The following NRBP2 variants were observed in gnomAD, a reference collection of about 807,000 sequenced individuals.
NRBP2 encodes the protein nuclear receptor binding protein 2.
Under a neutral mutation model 74.4 loss-of-function variants are expected in NRBP2, and 47 were observed. That is an observed-to-expected ratio of 0.63 (90% confidence interval 0.50 to 0.81). The LOEUF is 0.81. Ranked by LOEUF, NRBP2 falls within the 30% of genes least tolerant of loss-of-function variation. NRBP2 has a pLI of 0.00. For synonymous variants in NRBP2, 312 were observed against 273.8 expected (o/e 1.14, Z -1.38); for missense variants, 613 against 690.1 (o/e 0.89, Z 1.25).
Position 143,835,936 on chromosome 8 carries a change from G to A in NRBP2, c.1381+31C>T, listed in dbSNP as rs533144590. Reference sequence around the variant, plus strand: ...TGCCCACCCGCCGCCTGGGGTCACCGCCCGCCGCCCAAGTCCCCTGCCCAG... The same window carrying A: ...TGCCCACCCGCCGCCTGGGGTCACCACCCGCCGCCCAAGTCCCCTGCCCAG... On this transcript the variant is annotated intron_variant, in intron 16 of 17. Coordinates refer to ENST00000442628, the MANE Select transcript of NRBP2 (RefSeq NM_178564.4). The surrounding 1 kb of genome is among the most constrained non-coding windows in gnomAD (Gnocchi z 4.9). 3.5e-5 allele frequency: 56 copies of A among 1,589,184 alleles called. No homozygotes were observed. Among genetic ancestry groups the A allele is most frequent in the Admixed American group, 1.0e-4 (6 of 57,584 alleles).
chr8:143,839,839 G>C lies in NRBP2; in HGVS notation c.355-14C>G. The stretch of plus-strand genomic sequence containing the variant: ...GATGAAGATGACCTGCACGGTGCGA[G>C]CTCAGGATTTCCACCAGCTGCGGGT... On this transcript the variant is annotated splice_polypyrimidine_tract_variant and intron_variant, in intron 3 of 17. Coordinates refer to ENST00000442628, the MANE Select transcript of NRBP2 (RefSeq NM_178564.4). This position sits in a 1 kb window ranked among gnomAD's most constrained non-coding sequence, Gnocchi z 5.1. 6.5e-7 allele frequency: 1 copy of C among 1,535,982 alleles called. No individual in the cohort carries two copies. Among genetic ancestry groups the C allele is most frequent in the Non-Finnish European group, 8.7e-7 (1 of 1,146,758 alleles).
rs1379106883 is a variant in NRBP2 at position 143,839,630 on chromosome 8, G to A, written c.445-81C>T. ...CCTGCGGAGCCCGCCCCGCATCCTCGCCCAGCCCCTGTCCGAGGCCGCCGG... is the reference window on the plus strand; with the variant it reads ...CCTGCGGAGCCCGCCCCGCATCCTCACCCAGCCCCTGTCCGAGGCCGCCGG... On this transcript the variant is annotated intron_variant, in intron 4 of 17. Transcript: ENST00000442628. The surrounding 1 kb of genome is among the most constrained non-coding windows in gnomAD (Gnocchi z 5.1). 8.6e-6 allele frequency: 13 copies of A among 1,508,328 alleles called. 2 individuals are homozygous for A. Among genetic ancestry groups the A allele is most frequent in the Admixed American group, 6.2e-5 (3 of 48,584 alleles). 93.4% of individuals were successfully genotyped at this position (1,508,328 alleles called of 1,614,324 possible).
chr8:143,839,646 A>G lies in NRBP2; in HGVS notation c.444+90T>C. 6.6e-7 allele frequency: 1 copy of G among 1,514,264 alleles called. No individual in the cohort carries two copies. The highest frequency in any genetic ancestry group is 2.5e-5 in the East Asian group (1 of 40,578). The allele number at this position is 1,514,264 out of a possible 1,614,324, so 93.8% of individuals were successfully genotyped here. On this transcript the variant is annotated intron_variant, in intron 4 of 17. Transcript: ENST00000442628. This position sits in a 1 kb window ranked among gnomAD's most constrained non-coding sequence, Gnocchi z 5.1. ...CGCATCCTCGCCCAGCCCCTGTCCG[A>G]GGCCGCCGGGCACCCCCTCACCATC...
chr8:143,840,440 A>G lies in NRBP2; in HGVS notation c.130-211T>C, dbSNP rs1005421150. 1.4e-6 allele frequency: 1 copy of G among 708,254 alleles called. No homozygotes were observed. The allele number at this position is 708,254 out of a possible 1,614,324, so 43.9% of individuals were successfully genotyped here. ...GCTAAGGGGATTTGGAGCAGGTTTC[A>G]GGGGGTCGAGGGGGATCCCCAGGAA... On this transcript the variant is annotated intron_variant, in intron 1 of 17. Coordinates refer to ENST00000442628, the MANE Select transcript of NRBP2 (RefSeq NM_178564.4). The surrounding 1 kb of genome is among the most constrained non-coding windows in gnomAD (Gnocchi z 5.7).
downstream of NRBP2, among the ~76,000 whole-genome samples, chr8:143,831,954 G>A (rs1351082457): frequency 1.3e-5 from 2 of 152,204 alleles, no homozygotes; most frequent in Non-Finnish European, 2.9e-5. Flanking sequence ...GTAGCTAGTC[G>A]CACTGTTAAG....
At chr8:143,838,802 G>C in intron 9 of NRBP2, 27 bp from the exon 10 acceptor site, 1 of 1,611,380 alleles carries the variant, frequency 6.2e-7, no homozygotes, top group South Asian at 1.1e-5. Context: ...GGTCAGGCAT[G>C]GGGAAGGGAC....
rs1002480055 is a variant in NRBP2, at chr8:143,839,635, G to C, written c.445-86C>G. 4 of 1,511,190 alleles carry C rather than the reference G, an allele frequency of 2.6e-6. No homozygotes were observed. Among genetic ancestry groups the C allele is most frequent in the Non-Finnish European group, 2.6e-6 (3 of 1,133,958 alleles). The allele number at this position is 1,511,190 out of a possible 1,614,324, so 93.6% of individuals were successfully genotyped here. ...GGAGCCCGCCCCGCATCCTCGCCCA[G>C]CCCCTGTCCGAGGCCGCCGGGCACC... On this transcript the variant is annotated intron_variant, in intron 4 of 17. Coordinates refer to ENST00000442628, the MANE Select transcript of NRBP2 (RefSeq NM_178564.4). This position sits in a 1 kb window ranked among gnomAD's most constrained non-coding sequence, Gnocchi z 5.1.
At position 143,840,652 on chromosome 8, in the gene NRBP2, C is replaced by G; in HGVS notation, c.129+54G>C. 7.1e-7 allele frequency: 1 copy of G among 1,403,958 alleles called. No homozygotes were observed. The highest frequency in any genetic ancestry group is 9.4e-7 in the Non-Finnish European group (1 of 1,067,856). 87.0% of individuals were successfully genotyped at this position (1,403,958 alleles called of 1,614,324 possible). On this transcript the variant is annotated intron_variant, in intron 1 of 17. Transcript: ENST00000442628. The surrounding 1 kb of genome is among the most constrained non-coding windows in gnomAD (Gnocchi z 5.7). ...CCCCACGCCCCGCGCAGCCTCCAGG[C>G]CCCTCCCGCTCTGGGAGGGCGGTGT...
chr8:143,837,353 G>A lies in NRBP2; in HGVS notation c.1076+54C>T. The A allele has an allele frequency of 6.5e-7, 1 of 1,533,188 alleles. No individual in the cohort carries two copies. The highest frequency in any genetic ancestry group is 8.9e-7 in the Non-Finnish European group (1 of 1,124,918). 95.0% of individuals were successfully genotyped at this position (1,533,188 alleles called of 1,614,324 possible). ...GGCTGGCCGGGGCGAGGGGAGGGGA[G>A]GTGCGGGGAGGGGAGGTGTGGGGAG... is the stretch of plus-strand genomic sequence containing the variant. On this transcript the variant is annotated intron_variant, in intron 12 of 17. Transcript: ENST00000442628. The surrounding 1 kb of genome is among the most constrained non-coding windows in gnomAD (Gnocchi z 4.3).
In NRBP2 at chr8:143,836,190, G is replaced by A; in HGVS notation, c.1264-10C>T. The stretch of plus-strand genomic sequence containing the variant: ...ACTGCATCTGGATGACCTGCAGCGG[G>A]GGAAGGCTGGGACTCACAAACCCAG... On this transcript the variant is annotated splice_polypyrimidine_tract_variant and intron_variant, in intron 14 of 17. Coordinates refer to ENST00000442628, the MANE Select transcript of NRBP2 (RefSeq NM_178564.4). The A allele has an allele frequency of 1.3e-6, 2 of 1,539,240 alleles. No homozygotes were observed. Among genetic ancestry groups the A allele is most frequent in the Admixed American group, 2.1e-5 (1 of 46,910 alleles).
Position 143,837,315 on chromosome 8 carries a change from G to A in NRBP2, c.1077-16C>T, listed in dbSNP as rs781806825. The stretch of plus-strand genomic sequence containing the variant: ...TTCCGAGTACCTGGCATGGAAGTGG[G>A]AGGCACATGAGGGGCTGGCCGGGGC... On this transcript the variant is annotated splice_polypyrimidine_tract_variant and intron_variant, in intron 12 of 17. Coordinates refer to ENST00000442628, the MANE Select transcript of NRBP2 (RefSeq NM_178564.4). The surrounding 1 kb of genome is among the most constrained non-coding windows in gnomAD (Gnocchi z 4.3). 2.5e-6 allele frequency: 4 copies of A among 1,610,626 alleles called. No individual in the cohort carries two copies. The highest frequency in any genetic ancestry group is 3.4e-6 in the Non-Finnish European group (4 of 1,178,718).
In NRBP2 at chr8:143,839,807, ACT is replaced by A; in HGVS notation, c.371_372del (p.Glu124ValfsTer82). 6.5e-7 allele frequency: 1 copy of A among 1,535,652 alleles called. No individual in the cohort carries two copies. The highest frequency in any genetic ancestry group is 8.7e-7 in the Non-Finnish European group (1 of 1,146,802). On this transcript the variant is annotated frameshift_variant, in exon 4 of 18. Coordinates refer to ENST00000442628, the MANE Select transcript of NRBP2 (RefSeq NM_178564.4). LOFTEE classifies it high-confidence loss of function. This position sits in a 1 kb window ranked among gnomAD's most constrained non-coding sequence, Gnocchi z 5.1. ...EACARVIFIT[E>X]YVSSGSLKQF... is the part of the protein sequence containing the mutation. ...TGCTTGAGGCTGCCTGATGACACGT[ACT>A]CTGTGATGAAGATGACCTGCACGGT... is the stretch of plus-strand genomic sequence containing the variant.
chr8:143,832,755 T>A (rs948733358), downstream of NRBP2, among the ~76,000 whole-genome samples: 1 of 152,208 alleles, frequency 6.6e-6, no homozygotes, highest in African/African-American at 2.4e-5. Flanking sequence ...CACATCCCCC[T>A]CTTCGAGAAA....
Position 143,838,930 on chromosome 8 carries a change from C to T in NRBP2, c.697G>A (p.Asp233Asn), listed in dbSNP as rs782431907. 3 of 1,607,944 alleles carry T rather than the reference C, an allele frequency of 1.9e-6. No individual in the cohort carries two copies. The highest frequency in any genetic ancestry group is 2.2e-5 in the East Asian group (1 of 44,612). Residue 233 changes from aspartate to asparagine, a missense_variant, in exon 9 of 18, where the codon GAT becomes AAT. This residue lies in a region of NRBP2 where 332 missense variants were observed against 429.2 expected (regional missense o/e 0.77). Coordinates refer to ENST00000442628, the MANE Select transcript of NRBP2 (RefSeq NM_178564.4). ...GAGAAGATGTCCACAGCGGTCCCAT[C>T]GGCCACCTCTGAACAGAAGAGAGCA... Reference protein sequence around the residue: ...FFPPEYGEVADGTAVDIFSFG... With the variant: ...FFPPEYGEVANGTAVDIFSFG...
At chr8:143,836,576 G>T (rs1479145864) in intron 14 of NRBP2, among the ~76,000 whole-genome samples, 2 of 151,668 alleles carry the variant, frequency 1.3e-5, no homozygotes, top group African/African-American at 2.4e-5. Context: ...GTTAGGACAT[G>T]AATTCTGGCT....
At position 143,839,082 on chromosome 8, in the gene NRBP2, C is replaced by T. The variant is rs925102092; in HGVS notation, c.623G>A (p.Arg208Gln). Reference sequence around the variant, plus strand: ...CTCTCGCTCAGCGCGGATGGGGCTTCGGAGATCATCTGGAAGTGCTGTGGG... The same window carrying T: ...CTCTCGCTCAGCGCGGATGGGGCTTTGGAGATCATCTGGAAGTGCTGTGGG... ...IFSNALPDDL[R>Q]SPIRAEREEL... The change falls in exon 8 of 18, where the codon CGA (arginine) becomes CAA (glutamine). Residue 208 changes from arginine (R) to glutamine (Q), a missense_variant. This residue lies in a region of NRBP2 where 332 missense variants were observed against 429.2 expected (regional missense o/e 0.77). Transcript: ENST00000442628. The surrounding 1 kb of genome is among the most constrained non-coding windows in gnomAD (Gnocchi z 5.1). 67 of 1,527,494 alleles carry T rather than the reference C, an allele frequency of 4.4e-5. No individual in the cohort carries two copies. Among genetic ancestry groups the T allele is most frequent in the Non-Finnish European group, 5.6e-5 (64 of 1,140,680 alleles). 94.6% of individuals were successfully genotyped at this position (1,527,494 alleles called of 1,614,324 possible).
downstream of NRBP2, among the ~76,000 whole-genome samples, chr8:143,830,904 G>A (rs1200762697): frequency 6.6e-6 from 1 of 152,092 alleles, no homozygotes; most frequent in Non-Finnish European, 1.5e-5. Flanking sequence ...GGGAAAGTGA[G>A]CAATTCAATA....
chr8:143,838,919 A>G lies in NRBP2; in HGVS notation c.708T>C (p.Ala236=). Residue 236 remains alanine, a synonymous_variant, in exon 9 of 18, where the codon GCT becomes GCC. Transcript: ENST00000442628. ...PEYGEVADGT[A]VDIFSFGMCA... ...ACATCCCAAAGGAGAAGATGTCCAC[A>G]GCGGTCCCATCGGCCACCTCTGAAC... is the stretch of plus-strand genomic sequence containing the variant. 1 of 1,611,170 alleles carries G rather than the reference A, an allele frequency of 6.2e-7. No homozygotes were observed. The highest frequency in any genetic ancestry group is 8.5e-7 in the Non-Finnish European group (1 of 1,178,732).
chr8:143,839,871 C>A lies in NRBP2; in HGVS notation c.355-46G>T. The stretch of plus-strand genomic sequence containing the variant: ...ATTTCCACCAGCTGCGGGTTCGTCC[C>A]CATGCCCGCCCCACCTAGCTGTGGT... On this transcript the variant is annotated intron_variant, in intron 3 of 17. Transcript: ENST00000442628. This position sits in a 1 kb window ranked among gnomAD's most constrained non-coding sequence, Gnocchi z 5.1. 1 of 1,535,232 alleles carries A rather than the reference C, an allele frequency of 6.5e-7. No individual in the cohort carries two copies. Among genetic ancestry groups the A allele is most frequent in the Non-Finnish European group, 8.7e-7 (1 of 1,146,060 alleles).
Sources: gnomAD v4.1 joint callset for allele counts (sites outside exome capture counted in the v4.1 genomes callset) on GRCh38, gnomAD v4.1.1 for gene constraint, gnomAD v4.1.1 regional missense constraint, Gnocchi (gnomAD v3.1) non-coding constraint, MANE v1.5 for transcripts, NCBI Gene and HGNC (gene_info 2026-07-23, HGNC 2026-07-21) for gene names.